Variants in ZMAT4 observed in about 807,000 individuals in gnomAD.
ZMAT4 encodes zinc finger matrin-type 4.
Under a neutral mutation model 28.7 loss-of-function variants are expected in ZMAT4, and 17 were observed. The observed-to-expected ratio is 0.59, with a 90% CI of 0.41 to 0.89. The LOEUF is 0.89. ZMAT4 is among the 40% of genes least tolerant of loss of function. ZMAT4 has a pLI of 0.00. For missense variants in ZMAT4, 240 were observed against 283.8 expected (o/e 0.85, Z 1.11); for synonymous variants, 117 against 109.2 (o/e 1.07, Z -0.44).
chr8:40,713,677 G>C (rs987812811), intron 3 of ZMAT4, among the ~76,000 whole-genome samples: 10 of 151,912 alleles, frequency 6.6e-5, no homozygotes, highest in African/African-American at 1.4e-4. Flanking sequence ...GGGAGGCGGA[G>C]GCAGGTAGAT....
At chr8:40,696,436 T>G (rs1330028235) in intron 4 of ZMAT4, among the ~76,000 whole-genome samples, 1 of 151,976 alleles carries the variant, frequency 6.6e-6, no homozygotes, top group Non-Finnish European at 1.5e-5. Context: ...ATGGAAAGAG[T>G]AGGCACCATG....
At chr8:40,603,493 T>G (rs1805468869) in intron 5 of ZMAT4, among the ~76,000 whole-genome samples, 1 of 152,252 alleles carries the variant, frequency 6.6e-6, no homozygotes, top group African/African-American at 2.4e-5. Context: ...GAAATTACAT[T>G]GAATTTGTAG....
intron 2 of ZMAT4, among the ~76,000 whole-genome samples, chr8:40,789,649 C>T (rs1332504792): frequency 6.6e-6 from 1 of 152,114 alleles, no homozygotes; most frequent in Non-Finnish European, 1.5e-5. Flanking sequence ...GCATTGTATA[C>T]CTGTATCAAA....
In ZMAT4 at chr8:40,877,431, G is replaced by T. The variant is rs182832081; in HGVS notation, c.-5+20252C>A. Among the ~76,000 whole-genome samples the T allele has an allele frequency of 4.3e-4, 65 of 152,286 alleles. 1 individual carries two copies. Among genetic ancestry groups the T allele is most frequent in the Admixed American group, 3.7e-3 (56 of 15,302 alleles). ...CTTCTTATGTTTCATCCCCAGGAAG[G>T]CTGGAACGATTGGCTGCTGAAAAAG... On this transcript the variant is annotated intron_variant, in intron 1 of 6. Coordinates refer to ENST00000297737, the MANE Select transcript of ZMAT4 (RefSeq NM_024645.3).
At chr8:40,776,017 A>C (rs924474966) in intron 2 of ZMAT4, among the ~76,000 whole-genome samples, 1 of 152,190 alleles carries the variant, frequency 6.6e-6, no homozygotes, top group African/African-American at 2.4e-5. Flanking sequence ...CCCTGCTGCC[A>C]CCTTGATCAT....
intron 2 of ZMAT4, among the ~76,000 whole-genome samples, chr8:40,802,437 T>G (rs1814890040): frequency 6.6e-6 from 1 of 152,072 alleles, no homozygotes; most frequent in Non-Finnish European, 1.5e-5. Context: ...CAACAGCAAG[T>G]GAAATTTGAA....
chr8:40,831,262 A>C (rs2150617827), intron 1 of ZMAT4, among the ~76,000 whole-genome samples: 1 of 152,306 alleles, frequency 6.6e-6, no homozygotes, highest in East Asian at 1.9e-4. Flanking sequence ...GTACTGCATA[A>C]ACATTTAAAA....
intron 3 of ZMAT4, among the ~76,000 whole-genome samples, chr8:40,761,077 G>C (rs556392688): frequency 6.6e-6 from 1 of 152,034 alleles, no homozygotes; most frequent in Non-Finnish European, 1.5e-5. Context: ...GGCAGGGGGG[G>C]ATAATTTGCT....
intron 5 of ZMAT4, among the ~76,000 whole-genome samples, chr8:40,639,379 G>A (rs367954947): frequency 1.8e-4 from 27 of 152,058 alleles, no homozygotes; most frequent in African/African-American, 5.3e-4. Flanking sequence ...GGTAGACTCC[G>A]AGACCCTTAG....
At chr8:40,675,217 T>C (rs972991891) in intron 4 of ZMAT4, among the ~76,000 whole-genome samples, 1 of 152,156 alleles carries the variant, frequency 6.6e-6, no homozygotes, top group South Asian at 2.1e-4. Context: ...AAAAATAAAT[T>C]CTCAGTTATT....
intron 4 of ZMAT4, among the ~76,000 whole-genome samples, chr8:40,693,267 C>T (rs1484041294): frequency 6.6e-6 from 1 of 152,154 alleles, no homozygotes; most frequent in African/African-American, 2.4e-5. Flanking sequence ...TAGGCATGTG[C>T]CATCATGCCT....
At chr8:40,645,943 A>C (rs1807289129) in intron 5 of ZMAT4, among the ~76,000 whole-genome samples, 2 of 152,138 alleles carry the variant, frequency 1.3e-5, no homozygotes. Flanking sequence ...ATTTACCACT[A>C]GAATCATAAT....
Position 40,601,727 on chromosome 8 carries a change from AAGAG to A in ZMAT4, c.578-20470_578-20467del, listed in dbSNP as rs1185304588. Among the ~76,000 whole-genome samples the A allele has an allele frequency of 1.5e-4, 10 of 64,604 alleles. 1 individual carries two copies. The highest frequency in any genetic ancestry group is 1.0e-3 in the South Asian group (2 of 1,984). The allele number at this position is 64,604 out of a possible 152,430, so 42.4% of individuals were successfully genotyped here. A position where few individuals can be genotyped will look rare whatever the true frequency, so the allele number is the denominator to read the frequency against. Reference sequence around the variant, plus strand: ...AAGAAAAGAAAGAAAGAAAGAAAGAAAGAGAAAGCAGGCAGGCAGGCAGGCAAAG... The same window carrying A: ...AAGAAAAGAAAGAAAGAAAGAAAGAAAAAGCAGGCAGGCAGGCAGGCAAAG... On this transcript the variant is annotated intron_variant, in intron 5 of 6. Transcript: ENST00000297737.
intron 4 of ZMAT4, among the ~76,000 whole-genome samples, chr8:40,682,602 A>G (rs1415419313): frequency 6.6e-6 from 1 of 152,220 alleles, no homozygotes; most frequent in East Asian, 1.9e-4. Context: ...GCACTATAAT[A>G]TATCCGATGT....
chr8:40,782,736 C>T (rs1021494670), intron 2 of ZMAT4, among the ~76,000 whole-genome samples: 5 of 152,104 alleles, frequency 3.3e-5, no homozygotes, highest in South Asian at 2.1e-4. Flanking sequence ...AGTTGTGAGG[C>T]TTGAGGGGAG....
At chr8:40,724,102 C>G (rs565681007) in intron 3 of ZMAT4, among the ~76,000 whole-genome samples, 1 of 152,094 alleles carries the variant, frequency 6.6e-6, no homozygotes, top group African/African-American at 2.4e-5. Context: ...CTTCCCACTG[C>G]ACTTAGATTT....
chr8:40,824,095 G>A (rs569140239), intron 2 of ZMAT4, among the ~76,000 whole-genome samples: 1 of 152,250 alleles, frequency 6.6e-6, no homozygotes, highest in Admixed American at 6.5e-5. Flanking sequence ...TGTTATTATA[G>A]TTATTTTTAT....
At chr8:40,814,275 C>T (rs1242207819) in intron 2 of ZMAT4, among the ~76,000 whole-genome samples, 1 of 152,234 alleles carries the variant, frequency 6.6e-6, no homozygotes, top group Non-Finnish European at 1.5e-5. Context: ...CATGGTTTTG[C>T]TCCACACTCA....
At chr8:40,891,538 C>T (rs1466827143) in intron 1 of ZMAT4, among the ~76,000 whole-genome samples, 1 of 152,084 alleles carries the variant, frequency 6.6e-6, no homozygotes, top group East Asian at 2.0e-4. Context: ...GCCCACCAGC[C>T]CCTGGCGTTC....
Sources: allele counts gnomAD v4.1 joint callset (sites outside exome capture counted in the v4.1 genomes callset), GRCh38; gene constraint gnomAD v4.1.1; transcripts MANE v1.5; gene names NCBI Gene and HGNC (gene_info 2026-07-23, HGNC 2026-07-21).